The following IL20RB variants were observed in gnomAD, a reference collection of about 807,000 sequenced individuals.
The protein encoded by IL20RB is interleukin 20 receptor subunit beta, also known as interleukin-20 receptor subunit beta.
Under a neutral mutation model 33.3 loss-of-function variants are expected in IL20RB, and 21 were observed. The observed-to-expected ratio is 0.63, with a 90% CI of 0.45 to 0.91. The LOEUF (loss-of-function observed/expected upper bound fraction) is 0.91, where lower values mean the gene tolerates loss of function less well. Among genes scored for constraint, IL20RB ranks in the 40% least tolerant of loss-of-function variants. IL20RB has a pLI of 0.00. For synonymous variants in IL20RB, 147 were observed against 146.8 expected, an observed-to-expected ratio of 1.00 and a Z score of -0.01; for missense variants, 345 against 384.8, an observed-to-expected ratio of 0.90 and a Z score of 0.86.
intron 6 of IL20RB, 43 bp from the exon 7 acceptor site, chr3:137,010,070 T>C (rs755818177): frequency 4.9e-5 from 43 of 876,772 alleles, no homozygotes; most frequent in Non-Finnish European, 6.3e-5. Flanking sequence ...GTATTACTAC[T>C]ACTGCTATCC....
chr3:137,007,885 T>G (rs926083839), intron 6 of IL20RB, among the ~76,000 whole-genome samples: 2 of 152,216 alleles, frequency 1.3e-5, no homozygotes, highest in African/African-American at 4.8e-5. Flanking sequence ...CACTGGGGGC[T>G]GCAGACTGGA....
At chr3:136,974,411 A>G (rs1941566277) in intron 1 of IL20RB, among the ~76,000 whole-genome samples, 1 of 152,160 alleles carries the variant, frequency 6.6e-6, no homozygotes, top group African/African-American at 2.4e-5. Context: ...TGCCAGATGT[A>G]ATAGTCTTGG....
chr3:136,977,916 CTTCT>C (rs914684716), intron 1 of IL20RB, among the ~76,000 whole-genome samples: 1 of 152,128 alleles, frequency 6.6e-6, no homozygotes, highest in Non-Finnish European at 1.5e-5. Context: ...AGTTTTACTA[CTTCT>C]TTTATAATCT....
At position 137,010,910 on chromosome 3, in the gene IL20RB, G is replaced by C. The variant is rs1485324404; in HGVS notation, c.*687G>C. 6.6e-6 allele frequency: 1 copy of C among 152,278 alleles called. No homozygotes were observed. The highest frequency in any genetic ancestry group is 6.5e-5 in the Admixed American group (1 of 15,290). The allele number at this position is 152,278 out of a possible 1,614,324, so 9.4% of individuals were successfully genotyped here. On this transcript the variant is annotated 3_prime_UTR_variant, in exon 7 of 7. Transcript: ENST00000329582. ...GAACACGGAGGATCCATGAACTACT[G>C]TAAAGTGTTGACAGTGTGTGCACAC...
chr3:136,975,716 A>G (rs1461154520), intron 1 of IL20RB, among the ~76,000 whole-genome samples: 1 of 152,118 alleles, frequency 6.6e-6, no homozygotes, highest in South Asian at 2.1e-4. Context: ...GGGTACAGTT[A>G]TTGGAGTCTG....
At chr3:136,997,786 T>G (rs1404625882) in intron 6 of IL20RB, among the ~76,000 whole-genome samples, 3 of 152,050 alleles carry the variant, frequency 2.0e-5, no homozygotes, top group Non-Finnish European at 4.4e-5. Context: ...TAACTTTTTT[T>G]TTTTTGAGAC....
At chr3:137,008,375 G>C (rs898357625) in intron 6 of IL20RB, among the ~76,000 whole-genome samples, 1 of 152,184 alleles carries the variant, frequency 6.6e-6, no homozygotes, top group Non-Finnish European at 1.5e-5. Flanking sequence ...TCTTCTCAGC[G>C]ACAGCAGGTT....
chr3:136,980,330 G>T, intron 1 of IL20RB, 136 bp from the exon 2 acceptor site: 6 of 912,986 alleles, frequency 6.6e-6, no homozygotes, highest in African/African-American at 1.6e-5. Flanking sequence ...CTGTTGTCTA[G>T]GCTGGAGTGC....
At chr3:136,980,278 T>C (rs1941735695) in intron 1 of IL20RB, 188 bp from the exon 2 acceptor site, 1 of 614,406 alleles carries the variant, frequency 1.6e-6, no homozygotes, top group Admixed American at 3.1e-5. Context: ...TTCTGGTTTA[T>C]AAACATGTGA....
chr3:136,986,016 G>T (rs896053838), intron 3 of IL20RB, among the ~76,000 whole-genome samples: 1 of 152,114 alleles, frequency 6.6e-6, no homozygotes, highest in Non-Finnish European at 1.5e-5. Flanking sequence ...AGCACTTTGG[G>T]AGGCCAAAGC....
chr3:136,959,864 T>A, intron 1 of IL20RB, among the ~76,000 whole-genome samples: 1 of 152,186 alleles, frequency 6.6e-6, no homozygotes, highest in Non-Finnish European at 1.5e-5. Context: ...GAAATGGTCA[T>A]AATAGCCACT....
rs2108209995 is a variant in IL20RB, at chr3:136,992,340, G to C, written c.682+252G>C. Among the ~76,000 whole-genome samples the C allele has an allele frequency of 2.0e-5, 3 of 152,350 alleles. No individual in the cohort carries two copies. In the East Asian group the frequency reaches 5.8e-4, roughly 29 times the overall value. On this transcript the variant is annotated intron_variant, in intron 5 of 6. Transcript: ENST00000329582. ...CACTTTCCCCCTTAAAGCTTCCTAG[G>C]CCTGGGGGCCAGGTGTTGCAAGACT...
At chr3:136,962,204 T>C (rs1941239153) in intron 1 of IL20RB, among the ~76,000 whole-genome samples, 1 of 152,200 alleles carries the variant, frequency 6.6e-6, no homozygotes, top group Non-Finnish European at 1.5e-5. Context: ...AGGAATGGAA[T>C]ATTTGCACAG....
chr3:136,997,013 T>G (rs1009422792), intron 6 of IL20RB, among the ~76,000 whole-genome samples: 1 of 152,160 alleles, frequency 6.6e-6, no homozygotes, highest in Non-Finnish European at 1.5e-5. Context: ...ATCATCTTTG[T>G]CATTTTTTTT....
At chr3:136,998,129 C>CTTTTTTTTT (rs35491086) in intron 6 of IL20RB, among the ~76,000 whole-genome samples, 1 of 119,412 alleles carries the variant, frequency 8.4e-6, no homozygotes, top group Non-Finnish European at 1.7e-5. Context: ...ATTTTCTTTT[C>CTTTTTTTTT]TTTTTTTTTT....
intron 6 of IL20RB, 135 bp downstream of exon 6, chr3:136,995,691 A>G: frequency 2.5e-6 from 2 of 815,054 alleles, no homozygotes; most frequent in South Asian, 2.1e-5. Context: ...GGAGAGGAAT[A>G]CTTATAAAAT....
chr3:136,966,070 T>C (rs1941341867), intron 1 of IL20RB, among the ~76,000 whole-genome samples: 1 of 124,552 alleles, frequency 8.0e-6, no homozygotes, highest in Non-Finnish European at 1.6e-5. Flanking sequence ...TGGATAAGCT[T>C]TTTGATGTGC....
intron 5 of IL20RB, 40 bp downstream of exon 5, chr3:136,992,128 G>A: frequency 6.2e-7 from 1 of 1,601,738 alleles, no homozygotes; most frequent in Non-Finnish European, 8.5e-7. Flanking sequence ...CTGCACAGGT[G>A]ATAGCCCCTC....
chr3:136,992,221 G>A, intron 5 of IL20RB, 133 bp downstream of exon 5: 2 of 905,224 alleles, frequency 2.2e-6, no homozygotes, highest in Non-Finnish European at 3.2e-6. Context: ...GGACTGGGTG[G>A]GTTCCCATAG....
Sources: allele counts gnomAD v4.1 joint callset (sites outside exome capture counted in the v4.1 genomes callset), GRCh38; gene constraint gnomAD v4.1.1; transcripts MANE v1.5; gene names NCBI Gene and HGNC (gene_info 2026-07-23, HGNC 2026-07-21).